Variants in CNOT2 observed in about 807,000 individuals in gnomAD.
CNOT2 encodes the protein CC chemokine receptor 4-negative regulator of transcription 2.
A neutral mutation model predicts 72.1 loss-of-function variants in CNOT2; 7 were observed. The ratio of observed to expected loss-of-function variants is 0.10; its 90% CI spans 0.06 to 0.18. CNOT2 has a LOEUF of 0.18. CNOT2 is among the 10% of genes least tolerant of loss of function. The probability of loss-of-function intolerance (pLI) is 1.00; values close to 1 mark genes in which losing one functional copy is unlikely to be tolerated. For synonymous variants in CNOT2, 196 were observed against 225.6 expected, an observed-to-expected ratio of 0.87 and a Z score of 1.17; for missense variants, 345 against 660.3, an observed-to-expected ratio of 0.52 and a Z score of 5.23.
intron 3 of CNOT2, among the ~76,000 whole-genome samples, chr12:70,317,655 G>T (rs185529353): frequency 4.8e-5 from 5 of 105,136 alleles, no homozygotes; most frequent in Admixed American, 2.3e-4. Flanking sequence ...CACTACTGTC[G>T]TATTAATATT....
At chr12:70,290,069 C>T (rs530333001) in intron 2 of CNOT2, among the ~76,000 whole-genome samples, 1 of 151,892 alleles carries the variant, frequency 6.6e-6, no homozygotes, top group Non-Finnish European at 1.5e-5. Flanking sequence ...TTAACAGAAC[C>T]AGAGTAATCT....
chr12:70,294,343 T>A (rs1182895289), intron 2 of CNOT2: 13 of 1,252,872 alleles, frequency 1.0e-5, no homozygotes, highest in Non-Finnish European at 1.4e-5. Flanking sequence ...CTGTCATCAG[T>A]ATTTTGAGGG....
chr12:70,304,675 G>C (rs183959172), intron 2 of CNOT2, among the ~76,000 whole-genome samples: 3 of 152,322 alleles, frequency 2.0e-5, no homozygotes, highest in African/African-American at 2.4e-5. Context: ...GCTGTGTGCT[G>C]GTAGAACCAC....
chr12:70,324,273 C>G (rs1228987068), intron 4 of CNOT2: 1 of 151,358 alleles, frequency 6.6e-6, no homozygotes, highest in African/African-American at 2.4e-5. Flanking sequence ...TTATTGGGTG[C>G]CTACAATGAA....
intron 2 of CNOT2, among the ~76,000 whole-genome samples, chr12:70,294,818 A>C (rs893364204): frequency 2.0e-5 from 3 of 152,218 alleles, no homozygotes; most frequent in African/African-American, 7.2e-5. Context: ...AAGTCTTGAC[A>C]GGAGGACTGG....
At chr12:70,300,059 T>C (rs1873623848) in intron 2 of CNOT2, among the ~76,000 whole-genome samples, 3 of 152,194 alleles carry the variant, frequency 2.0e-5, no homozygotes, top group African/African-American at 7.2e-5. Context: ...TTTGCCCACT[T>C]TTTGATGGGG....
intron 1 of CNOT2, among the ~76,000 whole-genome samples, chr12:70,249,916 T>C (rs1000258392): frequency 7.9e-5 from 12 of 152,082 alleles, no homozygotes; most frequent in Non-Finnish European, 1.5e-4. Flanking sequence ...GTGTAGTTTT[T>C]ATGGGAATGA....
intron 1 of CNOT2, among the ~76,000 whole-genome samples, chr12:70,249,378 T>A (rs889371077): frequency 1.4e-5 from 2 of 145,986 alleles, no homozygotes; most frequent in African/African-American, 5.0e-5. Context: ...ATATACATTA[T>A]CTTAATTTTA....
intron 2 of CNOT2, among the ~76,000 whole-genome samples, chr12:70,286,694 G>A (rs370281025): frequency 2.7e-5 from 4 of 149,858 alleles, no homozygotes; most frequent in East Asian, 2.0e-4. Context: ...CTTCATAAGA[G>A]TCTTGACTTG....
chr12:70,259,084 C>G (rs1593049217), intron 1 of CNOT2, among the ~76,000 whole-genome samples: 1 of 152,168 alleles, frequency 6.6e-6, no homozygotes, highest in Non-Finnish European at 1.5e-5. Flanking sequence ...TCCCATTTTA[C>G]AGTTGAGTAA....
intron 1 of CNOT2, among the ~76,000 whole-genome samples, chr12:70,275,508 C>T (rs765435939): frequency 2.6e-5 from 4 of 152,044 alleles, no homozygotes; most frequent in Non-Finnish European, 5.9e-5. Context: ...TTGACGATCT[C>T]TGTCCTGAGA....
chr12:70,313,572 C>T (rs1026276092), intron 3 of CNOT2, among the ~76,000 whole-genome samples: 1 of 151,848 alleles, frequency 6.6e-6, no homozygotes, highest in Admixed American at 6.6e-5. Flanking sequence ...ACAAGCTTAT[C>T]CAATTGCACC....
Position 70,253,047 on chromosome 12 carries a change from T to C in CNOT2, c.-96+9567T>C, listed in dbSNP as rs532704312. ...TGTTTTTCCTACCAGGAATTTTGTTTAGATGACCTTCTGTGAAGTAAGATG... is the reference window on the plus strand; with the variant it reads ...TGTTTTTCCTACCAGGAATTTTGTTCAGATGACCTTCTGTGAAGTAAGATG... On this transcript the variant is annotated intron_variant, in intron 1 of 15. Coordinates refer to ENST00000229195, the MANE Select transcript of CNOT2 (RefSeq NM_014515.7). 7.9e-5 allele frequency among the ~76,000 whole-genome samples: 12 copies of C among 152,346 alleles called. No individual in the cohort carries two copies. In the South Asian group the frequency reaches 2.5e-3, roughly 32 times the overall value.
intron 3 of CNOT2, among the ~76,000 whole-genome samples, chr12:70,311,919 A>G (rs534982665): frequency 6.6e-6 from 1 of 152,134 alleles, no homozygotes; most frequent in African/African-American, 2.4e-5. Flanking sequence ...TTTGAAGTTG[A>G]TCATTAGTAA....
intron 2 of CNOT2, among the ~76,000 whole-genome samples, chr12:70,295,040 T>G (rs1872595695): frequency 6.6e-6 from 1 of 152,108 alleles, no homozygotes; most frequent in South Asian, 2.1e-4. Flanking sequence ...CATCACAGAT[T>G]TAATTTTGTA....
At chr12:70,312,855 A>G (rs1876702443) in intron 3 of CNOT2, among the ~76,000 whole-genome samples, 1 of 152,016 alleles carries the variant, frequency 6.6e-6, no homozygotes, top group Non-Finnish European at 1.5e-5. Context: ...TAGCACAGGT[A>G]AATTATACAA....
At chr12:70,304,163 C>T (rs1337930127) in intron 2 of CNOT2, among the ~76,000 whole-genome samples, 4 of 151,728 alleles carry the variant, frequency 2.6e-5, no homozygotes, top group South Asian at 2.1e-4. Flanking sequence ...CTCCTTAGTT[C>T]GGAGTAGTTT....
At chr12:70,276,950 T>C (rs1868922032) in intron 1 of CNOT2, among the ~76,000 whole-genome samples, 4 of 152,034 alleles carry the variant, frequency 2.6e-5, no homozygotes, top group Admixed American at 2.6e-4. Context: ...TTTAGTAATA[T>C]TCATTTTTAA....
chr12:70,330,494 A>G (rs1879759793), intron 6 of CNOT2, 25 bp downstream of exon 6: 4 of 1,554,880 alleles, frequency 2.6e-6, no homozygotes, highest in Admixed American at 3.6e-5. Context: ...GATACTGTGT[A>G]TAATTGTCTT....
Sources: gnomAD v4.1 joint callset for allele counts (sites outside exome capture counted in the v4.1 genomes callset) on GRCh38, gnomAD v4.1.1 for gene constraint, MANE v1.5 for transcripts, NCBI Gene and HGNC (gene_info 2026-07-23, HGNC 2026-07-21) for gene names.